PDS5B: variants seen among roughly 807,000 people sequenced by gnomAD.
PDS5B encodes sister chromatid cohesion protein PDS5 homolog B.
Under a neutral mutation model 184.1 loss-of-function variants are expected in PDS5B, and 51 were observed. The ratio of observed to expected loss-of-function variants is 0.28; its 90% CI spans 0.22 to 0.35. The LOEUF is 0.35. Among genes scored for constraint, PDS5B ranks in the 10% least tolerant of loss-of-function variants. PDS5B has a pLI of 1.00. For missense variants in PDS5B, 1,180 were observed against 1,723.3 expected, an observed-to-expected ratio of 0.68 and a Z score of 5.58; for synonymous variants, 566 against 569.2, an observed-to-expected ratio of 0.99 and a Z score of 0.08.
At chr13:32,763,811 G>C (rs1036766933) in intron 30 of PDS5B, among the ~76,000 whole-genome samples, 1 of 152,172 alleles carries the variant, frequency 6.6e-6, no homozygotes, top group Non-Finnish European at 1.5e-5. Context: ...GTGCCTATTA[G>C]AATTTCAAGT....
intron 21 of PDS5B, among the ~76,000 whole-genome samples, chr13:32,738,178 G>A (rs958797490): frequency 2.0e-5 from 3 of 152,102 alleles, no homozygotes; most frequent in African/African-American, 7.2e-5. Context: ...TGCTATGAAT[G>A]TTTCTATTGA....
chr13:32,611,603 G>A (rs1384897213), intron 1 of PDS5B, among the ~76,000 whole-genome samples: 1 of 150,706 alleles, frequency 6.6e-6, no homozygotes, highest in Non-Finnish European at 1.5e-5. Flanking sequence ...TGCCTCCTGG[G>A]CTCTAGTGAT....
At chr13:32,677,793 C>A (rs921875248) in intron 9 of PDS5B, among the ~76,000 whole-genome samples, 1 of 151,416 alleles carries the variant, frequency 6.6e-6, no homozygotes, top group African/African-American at 2.4e-5. Context: ...GATTTGGGAG[C>A]CTTTAGATTT....
chr13:32,618,615 TG>T (rs1000434333), intron 1 of PDS5B, among the ~76,000 whole-genome samples: 7 of 152,196 alleles, frequency 4.6e-5, no homozygotes, highest in Non-Finnish European at 1.0e-4. Flanking sequence ...GTTTCTCCTT[TG>T]TTGAAGTTAA....
intron 1 of PDS5B, among the ~76,000 whole-genome samples, chr13:32,617,174 C>T (rs183307860): frequency 1.1e-3 from 175 of 152,242 alleles, no homozygotes; most frequent in Non-Finnish European, 4.3e-4. Flanking sequence ...GAAGAATTGC[C>T]GTATCCCAAT....
chr13:32,711,710 G>GCT (rs1481586792), intron 19 of PDS5B, among the ~76,000 whole-genome samples: 1 of 152,168 alleles, frequency 6.6e-6, no homozygotes, highest in East Asian at 1.9e-4. Flanking sequence ...TTTGGATGGT[G>GCT]CTATGGCTCT....
chr13:32,701,014 A>G (rs916386708), intron 16 of PDS5B: 3 of 168,570 alleles, frequency 1.8e-5, no homozygotes, highest in Non-Finnish European at 3.8e-5. Context: ...TTGTATTTTT[A>G]TTCTTTTGGA....
At chr13:32,607,357 T>A (rs2058075729) in intron 1 of PDS5B, among the ~76,000 whole-genome samples, 1 of 152,222 alleles carries the variant, frequency 6.6e-6, no homozygotes, top group Non-Finnish European at 1.5e-5. Flanking sequence ...GTATCACCAG[T>A]GGAGGCTGCA....
At chr13:32,687,340 T>G in intron 12 of PDS5B, 55 bp downstream of exon 12, 1 of 1,300,418 alleles carries the variant, frequency 7.7e-7, no homozygotes, top group Non-Finnish European at 1.1e-6. Context: ...ATAACTTGAT[T>G]TATTGTTTTA....
intron 19 of PDS5B, among the ~76,000 whole-genome samples, chr13:32,710,935 G>A (rs1160512283): frequency 6.6e-6 from 1 of 151,878 alleles, no homozygotes; most frequent in Non-Finnish European, 1.5e-5. Context: ...CTGTTCATGT[G>A]TACTTTATTC....
intron 15 of PDS5B, among the ~76,000 whole-genome samples, chr13:32,698,341 A>T (rs1951767581): frequency 6.6e-6 from 1 of 152,148 alleles, no homozygotes; most frequent in African/African-American, 2.4e-5. Context: ...ATTTGAAAAA[A>T]TACCTTTTCC....
intron 1 of PDS5B, among the ~76,000 whole-genome samples, chr13:32,607,330 A>G (rs2058075011): frequency 6.6e-6 from 1 of 152,224 alleles, no homozygotes; most frequent in Non-Finnish European, 1.5e-5. Flanking sequence ...GGTCCACTCT[A>G]GACCCTGTTT....
In PDS5B at chr13:32,613,951, G is replaced by C. The variant is rs73451427; in HGVS notation, c.-20+27358G>C. ...TAGGCATGCACATTCATTCTTTTGC[G>C]TGTTGATAACCTGTTCTGTCACCGT... On this transcript the variant is annotated intron_variant, in intron 1 of 34. Coordinates refer to ENST00000315596, the MANE Select transcript of PDS5B (RefSeq NM_015032.4). Among the ~76,000 whole-genome samples, 2 of 152,112 alleles carry C rather than the reference G, an allele frequency of 1.3e-5. 1 individual carries two copies. The highest frequency in any genetic ancestry group is 4.1e-4 in the South Asian group (2 of 4,832).
chr13:32,614,332 C>A (rs1481150655), intron 1 of PDS5B, among the ~76,000 whole-genome samples: 1 of 147,138 alleles, frequency 6.8e-6, no homozygotes, highest in Non-Finnish European at 1.5e-5. Flanking sequence ...GAGTCTCACT[C>A]TGTCACCCAG....
intron 17 of PDS5B, 56 bp downstream of exon 17, chr13:32,701,494 G>C: frequency 9.3e-7 from 1 of 1,078,298 alleles, no homozygotes; most frequent in Non-Finnish European, 1.4e-6. Flanking sequence ...TGTACATTCA[G>C]GAATCAGTCA....
chr13:32,633,529 A>G (rs1336730027), intron 1 of PDS5B, among the ~76,000 whole-genome samples: 1 of 152,244 alleles, frequency 6.6e-6, no homozygotes, highest in Non-Finnish European at 1.5e-5. Context: ...GACTAGATTC[A>G]GATTAGATTT....
At chr13:32,670,467 G>A (rs9596060) in intron 7 of PDS5B, among the ~76,000 whole-genome samples, 58,325 of 152,016 alleles carry the variant, frequency 0.38, 11,655 homozygotes, top group Non-Finnish European at 0.44. Context: ...AGCTCAAGCA[G>A]TCCGCCTGCC....
At position 32,675,824 on chromosome 13, in the gene PDS5B, G is replaced by A. The variant is rs764112100; in HGVS notation, c.847-20G>A. 1 of 1,440,228 alleles carries A rather than the reference G, an allele frequency of 6.9e-7. No homozygotes were observed. The highest frequency in any genetic ancestry group is 1.4e-5 in the African/African-American group (1 of 71,676). 89.2% of individuals were successfully genotyped at this position (1,440,228 alleles called of 1,614,324 possible). On this transcript the variant is annotated intron_variant, in intron 8 of 34. Transcript: ENST00000315596. ...ATATCTACTGCATGGTTTTAAAGCT[G>A]TGATTGTGTTTTATTTTAGAGCAAT...
intron 1 of PDS5B, among the ~76,000 whole-genome samples, chr13:32,627,615 GAA>G (rs2058389741): frequency 6.6e-6 from 1 of 151,830 alleles, no homozygotes; most frequent in Non-Finnish European, 1.5e-5. Flanking sequence ...GAAAATGAAG[GAA>G]AAAAGAGAAA....
Sources: gnomAD v4.1 joint callset for allele counts (sites outside exome capture counted in the v4.1 genomes callset) on GRCh38, gnomAD v4.1.1 for gene constraint, MANE v1.5 for transcripts, NCBI Gene and HGNC (gene_info 2026-07-23, HGNC 2026-07-21) for gene names.